WWC2: variants seen among roughly 807,000 people sequenced by gnomAD.
WWC2 encodes the protein WW and C2 domain containing 2.
In WWC2, 101 loss-of-function variants were observed where a neutral mutation model predicts 138.5. The observed-to-expected ratio is 0.73, with a 90% CI of 0.62 to 0.86. WWC2 has a LOEUF of 0.86. Among genes scored for constraint, WWC2 ranks in the 40% least tolerant of loss-of-function variants. WWC2 has a pLI of 0.00. For missense variants in WWC2, 1,420 were observed against 1,419.4 expected (o/e 1.00, Z -0.01); for synonymous variants, 558 against 538.4 (o/e 1.04, Z -0.50).
intron 21 of WWC2, among the ~76,000 whole-genome samples, chr4:183,308,096 GA>G (rs1231868979): frequency 3.3e-5 from 5 of 152,236 alleles, no homozygotes; most frequent in African/African-American, 1.2e-4. Flanking sequence ...TGCACTAGTG[GA>G]ATTTGAAATT....
chr4:183,194,736 G>A (rs1735087691), intron 2 of WWC2, among the ~76,000 whole-genome samples: 1 of 152,198 alleles, frequency 6.6e-6, no homozygotes. Context: ...CCAGGCGGGT[G>A]AGGTGGAAGG....
At chr4:183,265,201 G>A (rs1737462637) in intron 12 of WWC2, 94 bp downstream of exon 12, 15 of 1,434,048 alleles carry the variant, frequency 1.0e-5, no homozygotes, top group South Asian at 3.4e-5. Flanking sequence ...CCATTAGTCC[G>A]CTCTTTGGCT....
intron 16 of WWC2, among the ~76,000 whole-genome samples, chr4:183,275,088 A>C (rs370383618): frequency 7.3e-5 from 11 of 150,508 alleles, no homozygotes; most frequent in Non-Finnish European, 1.5e-4. Flanking sequence ...CACCCTCCCT[A>C]CTCTCTCCAG....
chr4:183,168,840 A>G (rs1436764520), intron 1 of WWC2, among the ~76,000 whole-genome samples: 1 of 152,158 alleles, frequency 6.6e-6, no homozygotes, highest in Non-Finnish European at 1.5e-5. Flanking sequence ...ATTTTATGGC[A>G]TATAGTATTA....
chr4:183,218,163 T>G (rs1213868353), intron 4 of WWC2, among the ~76,000 whole-genome samples: 1 of 152,148 alleles, frequency 6.6e-6, no homozygotes, highest in East Asian at 1.9e-4. Flanking sequence ...GAAAATATCT[T>G]TTAAATTGAA....
chr4:183,107,266 A>G (rs1260743899), intron 1 of WWC2, among the ~76,000 whole-genome samples: 4 of 151,692 alleles, frequency 2.6e-5, no homozygotes, highest in East Asian at 1.9e-4. Flanking sequence ...GGTTCAACAG[A>G]TCCTCCCACC....
intron 1 of WWC2, among the ~76,000 whole-genome samples, chr4:183,111,997 C>T (rs972283544): frequency 6.6e-6 from 1 of 152,126 alleles, no homozygotes; most frequent in Admixed American, 6.6e-5. Context: ...CACGCCCAGC[C>T]AGATCATTTA....
At chr4:183,112,360 T>A (rs1289767569) in intron 1 of WWC2, among the ~76,000 whole-genome samples, 1 of 152,262 alleles carries the variant, frequency 6.6e-6, no homozygotes, top group Non-Finnish European at 1.5e-5. Context: ...GCTTTGTGTG[T>A]GCCCCTTCAT....
intron 2 of WWC2, among the ~76,000 whole-genome samples, chr4:183,201,466 C>G (rs1735296325): frequency 6.6e-6 from 1 of 152,130 alleles, no homozygotes; most frequent in South Asian, 2.1e-4. Context: ...TGTTGATCAC[C>G]CAGGGCTTCT....
At chr4:183,109,554 G>A (rs542772339) in intron 1 of WWC2, among the ~76,000 whole-genome samples, 4 of 152,244 alleles carry the variant, frequency 2.6e-5, no homozygotes, top group East Asian at 1.9e-4. Context: ...TCATAGGAGC[G>A]CACAGCCTGG....
intron 9 of WWC2, among the ~76,000 whole-genome samples, chr4:183,254,452 CACTT>C (rs1580114121): frequency 2.6e-5 from 4 of 152,320 alleles, no homozygotes; most frequent in South Asian, 4.1e-4. Context: ...ACAACGTACT[CACTT>C]GCATTTTGTT....
At chr4:183,185,796 A>G (rs1734773333) in intron 1 of WWC2, among the ~76,000 whole-genome samples, 1 of 152,128 alleles carries the variant, frequency 6.6e-6, no homozygotes, top group Non-Finnish European at 1.5e-5. Context: ...TGCCCAGGCT[A>G]TTCAAATGGA....
chr4:183,113,515 TGCGCGCGC>T (rs1554064965), intron 1 of WWC2, among the ~76,000 whole-genome samples: 25 of 126,720 alleles, frequency 2.0e-4, no homozygotes, highest in Non-Finnish European at 3.1e-4. Context: ...TGTGTGTGTG[TGCGCGCGC>T]GTGCGCGCGC....
At chr4:183,191,685 T>C (rs1479702762) in intron 1 of WWC2, among the ~76,000 whole-genome samples, 1 of 152,068 alleles carries the variant, frequency 6.6e-6, no homozygotes, top group Middle Eastern at 3.2e-3. Flanking sequence ...GATTCTACAA[T>C]AGGGCTCAAG....
At chr4:183,244,760 T>G (rs1560862847) in intron 5 of WWC2, among the ~76,000 whole-genome samples, 2 of 152,216 alleles carry the variant, frequency 1.3e-5, no homozygotes, top group East Asian at 3.8e-4. Flanking sequence ...GGTGGCAGTT[T>G]ACTTGCCTCT....
At chr4:183,222,791 C>T (rs909673246) in intron 4 of WWC2, among the ~76,000 whole-genome samples, 1 of 152,066 alleles carries the variant, frequency 6.6e-6, no homozygotes, top group Non-Finnish European at 1.5e-5. Context: ...AAACCCATCT[C>T]TACTGTTAAT....
At chr4:183,262,911 C>G (rs1485065204) in intron 11 of WWC2, among the ~76,000 whole-genome samples, 1 of 152,140 alleles carries the variant, frequency 6.6e-6, no homozygotes, top group African/African-American at 2.4e-5. Flanking sequence ...GATTATGATT[C>G]CTTATCTGCA....
chr4:183,158,385 C>CT, intron 1 of WWC2, among the ~76,000 whole-genome samples: 1 of 5,172 alleles, frequency 1.9e-4, no homozygotes, highest in Admixed American at 6.4e-3. Flanking sequence ...GAGTCTGAGA[C>CT]CGGGTGTAGG....
chr4:183,113,893 G>A (rs1237157292), intron 1 of WWC2, among the ~76,000 whole-genome samples: 2 of 151,284 alleles, frequency 1.3e-5, no homozygotes, highest in Non-Finnish European at 2.9e-5. Context: ...ATGTTTTTTT[G>A]GTAAAAATGA....
Sources: allele counts gnomAD v4.1 joint callset (sites outside exome capture counted in the v4.1 genomes callset), GRCh38; gene constraint gnomAD v4.1.1; transcripts MANE v1.5; gene names NCBI Gene and HGNC (gene_info 2026-07-23, HGNC 2026-07-21).